The following METTL15 variants were observed in gnomAD, a reference collection of about 807,000 sequenced individuals.
The protein encoded by METTL15 is 12S rRNA N(4)-cytidine methyltransferase METTL15.
METTL15 carries 34 observed loss-of-function variants against 38.3 expected under a neutral mutation model. That is an observed-to-expected ratio of 0.89 (90% CI 0.68 to 1.18). The LOEUF (loss-of-function observed/expected upper bound fraction) is 1.18. Ranked by LOEUF, METTL15 falls within the 50% of genes most tolerant of loss-of-function variation. The pLI is 0.00. For missense variants in METTL15, 438 were observed against 498.4 expected (o/e 0.88, Z 1.15); for synonymous variants, 162 against 170.9 (o/e 0.95, Z 0.41).
At position 28,347,855 on chromosome 11, in the gene METTL15, C is replaced by T. The variant is rs77825394; in HGVS notation, c.*190-4235C>T. On this transcript the variant is annotated intron_variant and NMD_transcript_variant, in intron 3 of 7. Coordinates refer to the METTL15 transcript ENST00000532947. ...ATCTCCTTTAGTAAGCCTTTCCTAA[C>T]ATCTCTAAGCAGAATTTAGACAGTG... Among the ~76,000 whole-genome samples the T allele has an allele frequency of 2.3e-3, 352 of 152,314 alleles. 3 individuals carry two copies. Among genetic ancestry groups the T allele is most frequent in the African/African-American group, 7.7e-3 (321 of 41,570 alleles).
At chr11:28,285,215 C>T (rs1202624000) in intron 4 of METTL15, among the ~76,000 whole-genome samples, 2 of 152,112 alleles carry the variant, frequency 1.3e-5, no homozygotes, top group African/African-American at 4.8e-5. Context: ...CAGACTCAAG[C>T]AGTTCTTTAT....
chr11:28,364,252 A>G (rs1850166818), intron 5 of METTL15, among the ~76,000 whole-genome samples: 1 of 152,208 alleles, frequency 6.6e-6, no homozygotes, highest in Non-Finnish European at 1.5e-5. Flanking sequence ...ATAGTGTTGA[A>G]TCTGTAAATT....
At chr11:28,278,885 G>T (rs1188964367) in intron 4 of METTL15, among the ~76,000 whole-genome samples, 2 of 152,140 alleles carry the variant, frequency 1.3e-5, no homozygotes, top group African/African-American at 4.8e-5. Flanking sequence ...TGAGTGCAGT[G>T]ATACAATCTT....
At position 28,353,704 on chromosome 11, in the gene METTL15, T is replaced by A. The variant is rs1010941910; in HGVS notation, c.*258+1546T>A. 2.6e-4 allele frequency among the ~76,000 whole-genome samples: 39 copies of A among 152,016 alleles called. 1 individual carries two copies. The highest frequency in any genetic ancestry group is 4.6e-4 in the Admixed American group (7 of 15,268). The stretch of plus-strand genomic sequence containing the variant: ...ACTTTGGGAGGCCGAGGCGGGTGGA[T>A]CATGAGGTCAGGAGATCGAGACCAT... On this transcript the variant is annotated intron_variant and NMD_transcript_variant, in intron 4 of 7. Transcript: ENST00000532947.
intron 6 of METTL15, among the ~76,000 whole-genome samples, chr11:28,431,265 C>G (rs1850925270): frequency 6.9e-6 from 1 of 145,596 alleles, no homozygotes; most frequent in African/African-American, 2.5e-5. Context: ...AGCCACCACC[C>G]CGTCTGGGAG....
intron 5 of METTL15, among the ~76,000 whole-genome samples, chr11:28,411,201 G>A (rs554563796): frequency 8.6e-5 from 13 of 151,782 alleles, no homozygotes; most frequent in South Asian, 4.2e-4. Flanking sequence ...TAACATAATC[G>A]CCATCAAAAT....
intron 5 of METTL15, among the ~76,000 whole-genome samples, chr11:28,290,772 C>A (rs573722672): frequency 6.6e-6 from 1 of 151,110 alleles, no homozygotes; most frequent in Admixed American, 6.6e-5. Context: ...AAAAGAACTA[C>A]ATATATTTAA....
chr11:28,245,428 A>G (rs953215759), intron 4 of METTL15, among the ~76,000 whole-genome samples: 2 of 152,112 alleles, frequency 1.3e-5, no homozygotes, highest in Admixed American at 1.3e-4. Context: ...TCAGCATTAG[A>G]TCATGTATTA....
chr11:28,372,840 A>G lies in METTL15; in HGVS notation c.*358+10804A>G, dbSNP rs572546293. On this transcript the variant is annotated intron_variant and NMD_transcript_variant, in intron 5 of 7. Coordinates refer to the METTL15 transcript ENST00000532947. ...TGTGTCCATGTGATCTCATTGTTCA[A>G]TTCCCACCTATGAGTGAGAATATGC... Among the ~76,000 whole-genome samples the G allele has an allele frequency of 2.1e-3, 286 of 134,746 alleles. 2 individuals carry two copies. Among genetic ancestry groups the G allele is most frequent in the Non-Finnish European group, 3.5e-3 (226 of 65,054 alleles). 88.4% of individuals were successfully genotyped at this position (134,746 alleles called of 152,430 possible).
chr11:28,374,875 A>C (rs913939058), intron 5 of METTL15, among the ~76,000 whole-genome samples: 148 of 151,138 alleles, frequency 9.8e-4, no homozygotes, highest in African/African-American at 1.8e-3. Flanking sequence ...TTTAGCATGA[A>C]GGGTTGTTGA....
At chr11:28,220,465 G>T (rs1233426623) in intron 4 of METTL15, among the ~76,000 whole-genome samples, 1 of 152,174 alleles carries the variant, frequency 6.6e-6, no homozygotes, top group Non-Finnish European at 1.5e-5. Flanking sequence ...CTCTGCACAT[G>T]AGATGGGTTT....
At chr11:28,392,293 A>G (rs1219534603) in intron 5 of METTL15, among the ~76,000 whole-genome samples, 1 of 152,128 alleles carries the variant, frequency 6.6e-6, no homozygotes, top group Non-Finnish European at 1.5e-5. Flanking sequence ...AGCAATTATG[A>G]GAAAGAAAAA....
intron 3 of METTL15, among the ~76,000 whole-genome samples, chr11:28,124,597 C>G (rs767009773): frequency 3.9e-5 from 6 of 152,010 alleles, no homozygotes; most frequent in Non-Finnish European, 8.8e-5. Context: ...TGGAGAGAAA[C>G]TGTGGTGTTG....
intron 3 of METTL15, among the ~76,000 whole-genome samples, chr11:28,208,809 A>T (rs1198376643): frequency 6.6e-6 from 1 of 151,966 alleles, no homozygotes; most frequent in Non-Finnish European, 1.5e-5. Context: ...GAAGGAGTAA[A>T]CTAATTGGCT....
intron 3 of METTL15, among the ~76,000 whole-genome samples, chr11:28,159,793 T>C (rs1850390383): frequency 6.6e-6 from 1 of 152,194 alleles, no homozygotes. Flanking sequence ...AGTTGTATTA[T>C]GTTAGGCATA....
intron 4 of METTL15, among the ~76,000 whole-genome samples, chr11:28,234,581 CTT>C (rs1450199124): frequency 2.0e-5 from 3 of 151,576 alleles, no homozygotes; most frequent in South Asian, 2.1e-4. Context: ...TTTCATGTGT[CTT>C]TTGGCTGCAT....
chr11:28,371,820 A>G (rs1850246069), intron 5 of METTL15, among the ~76,000 whole-genome samples: 1 of 152,040 alleles, frequency 6.6e-6, no homozygotes, highest in African/African-American at 2.4e-5. Flanking sequence ...TACAAATGCT[A>G]CTGATTTTTG....
At chr11:28,188,836 A>G (rs2133798528) in intron 3 of METTL15, among the ~76,000 whole-genome samples, 1 of 151,308 alleles carries the variant, frequency 6.6e-6, no homozygotes, top group East Asian at 1.9e-4. Flanking sequence ...GGAAAGTGTC[A>G]TTACGAACTC....
intron 6 of METTL15, chr11:28,327,944 CA>C: frequency 1.5e-6 from 1 of 658,974 alleles, no homozygotes; most frequent in Non-Finnish European, 2.4e-6. Context: ...GTTGAACCAT[CA>C]TTTTAATTTC....
Sources: allele counts gnomAD v4.1 joint callset (sites outside exome capture counted in the v4.1 genomes callset), GRCh38; gene constraint gnomAD v4.1.1; transcripts MANE v1.5; gene names NCBI Gene and HGNC (gene_info 2026-07-23, HGNC 2026-07-21).